PLA2G2A: variants seen among roughly 807,000 people sequenced by gnomAD.
PLA2G2A encodes the protein phospholipase A2 group IIA, also known as phospholipase A2, membrane associated.
In PLA2G2A, 6 loss-of-function variants were observed where a neutral mutation model predicts 11.2. The ratio of observed to expected loss-of-function variants is 0.54; its 90% CI spans 0.29 to 1.06. PLA2G2A has a LOEUF of 1.06. Ranked by LOEUF, PLA2G2A falls within the 50% of genes least tolerant of loss-of-function variation. The pLI is 0.08. For missense variants in PLA2G2A, 133 were observed against 177.1 expected (o/e 0.75, Z 1.41); for synonymous variants, 69 against 65.8 (o/e 1.05, Z -0.23).
At chr1:19,978,906 T>C in intron 1 of PLA2G2A, 27 bp from the exon 2 acceptor site, 1 of 812,578 alleles carries the variant, frequency 1.2e-6, no homozygotes, top group Middle Eastern at 3.0e-4. Context: ...TGCTCTCCCA[T>C]CCAACCTAAG....
rs777744543 is a variant in PLA2G2A at position 19,978,068 on chromosome 1, C to A, written c.239G>T (p.Gly80Val). 33 of 1,613,944 alleles carry A rather than the reference C, an allele frequency of 2.0e-5. 2 individuals are homozygous for A. In the South Asian group the frequency reaches 3.4e-4, roughly 17 times the overall value. The change falls in exon 4 of 5, where the codon GGC (glycine) becomes GTC (valine). Residue 80 changes from glycine to valine, a missense_variant. Transcript: ENST00000482011. ...AAACTTGTAGCTCAGAAATTTGGTG[C>A]CACATCCACGTTTCTCCAGACGTTT... is the stretch of plus-strand genomic sequence containing the variant.
chr1:19,978,231 T>C (rs902238059), intron 3 of PLA2G2A, 110 bp from the exon 4 acceptor site: 4 of 1,336,488 alleles, frequency 3.0e-6, no homozygotes, highest in Non-Finnish European at 4.3e-6. Context: ...TTTGCAACAG[T>C]CTAGAGCAGA....
At chr1:19,978,941 C>A in intron 1 of PLA2G2A, 62 bp from the exon 2 acceptor site, 1 of 678,686 alleles carries the variant, frequency 1.5e-6, no homozygotes. Context: ...CTCTGTCACA[C>A]TCAGAGCACA....
At chr1:19,979,091 A>G (rs2046267449) in intron 1 of PLA2G2A, 1 of 447,120 alleles carries the variant, frequency 2.2e-6, no homozygotes, top group African/African-American at 2.0e-5. Flanking sequence ...TACACTAATG[A>G]GACCTCCCCT....
At chr1:19,975,979 A>G in intron 4 of PLA2G2A, 136 bp from the exon 5 acceptor site, 1 of 756,060 alleles carries the variant, frequency 1.3e-6, no homozygotes, top group Non-Finnish European at 2.3e-6. Flanking sequence ...CGCTCCAGAT[A>G]TTTCTGACCA....
intron 3 of PLA2G2A, 72 bp from the exon 4 acceptor site, chr1:19,978,193 C>G (rs1490031881): frequency 3.6e-6 from 5 of 1,373,238 alleles, no homozygotes; most frequent in Non-Finnish European, 5.2e-6. Flanking sequence ...GTCTCACCCC[C>G]TTGGACCCTG....
At position 19,978,014 on chromosome 1, in the gene PLA2G2A, C is replaced by T. The variant is rs775857179; in HGVS notation, c.292+1G>A. 1 of 1,581,144 alleles carries T rather than the reference C, an allele frequency of 6.3e-7. No homozygotes were observed. Among genetic ancestry groups the T allele is most frequent in the South Asian group, 1.1e-5 (1 of 90,426 alleles). On this transcript the variant is annotated splice_donor_variant, in intron 4 of 4. Transcript: ENST00000482011. LOFTEE classifies it high-confidence loss of function. ...ACTCGATGGTGAGGTAGGACTCTTA[C>T]CACAGGTGATTCTGCTCCCCGAGTT...
At chr1:19,978,119 C>T in exon 4 of PLA2G2A, 1 of 1,609,278 alleles carries the variant, frequency 6.2e-7, no homozygotes, top group Non-Finnish European at 8.5e-7. Context: ...AGTGACACAG[C>T]AGCTGTGAGG....
chr1:19,978,285 A>G, intron 3 of PLA2G2A, 95 bp downstream of exon 3: 1 of 1,478,488 alleles, frequency 6.8e-7, no homozygotes, highest in Non-Finnish European at 9.4e-7. Context: ...CCATCCTGAG[A>G]CCTCTGCGCC....
At chr1:19,979,304 T>G (rs2046270715) in intron 1 of PLA2G2A, among the ~76,000 whole-genome samples, 1 of 152,106 alleles carries the variant, frequency 6.6e-6, no homozygotes, top group Non-Finnish European at 1.5e-5. Flanking sequence ...TCAACCTCTC[T>G]CTTCTAGGCC....
intron 4 of PLA2G2A, among the ~76,000 whole-genome samples, chr1:19,976,480 C>T (rs2046221470): frequency 6.6e-6 from 1 of 152,182 alleles, no homozygotes; most frequent in African/African-American, 2.4e-5. Context: ...CCTGGCACTG[C>T]ACTCTTCCAG....
exon 1 of PLA2G2A, chr1:19,979,608 C>T (rs918864083): frequency 3.9e-5 from 6 of 152,476 alleles, no homozygotes; most frequent in Non-Finnish European, 8.8e-5. Context: ...GTTGTATCCC[C>T]AGGCCGTCTT....
chr1:19,976,472 T>C (rs1201679777), intron 4 of PLA2G2A, among the ~76,000 whole-genome samples: 2 of 152,188 alleles, frequency 1.3e-5, no homozygotes, highest in East Asian at 3.9e-4. Flanking sequence ...GCCCCAAGCC[T>C]GGCACTGCAC....
rs1557702912 is a variant in PLA2G2A at position 19,978,104 on chromosome 1, T to A, written c.203A>T (p.Asp68Val). Residue 68 changes from aspartate (D) to valine (V), a missense_variant, in exon 4 of 5, where the codon GAC becomes GTC. Coordinates refer to ENST00000482011, the Ensembl canonical transcript of PLA2G2A. The stretch of plus-strand genomic sequence containing the variant: ...TTTCTCCAGACGTTTGTAGCAACAG[T>A]CATGAGTGACACAGCAGCTGTGAGG... 9 of 1,613,228 alleles carry A rather than the reference T, an allele frequency of 5.6e-6. No individual in the cohort carries two copies. Among genetic ancestry groups the A allele is most frequent in the Middle Eastern group, 1.6e-4 (1 of 6,084 alleles).
chr1:19,978,213 C>T (rs2046248265), intron 3 of PLA2G2A, 92 bp from the exon 4 acceptor site: 3 of 1,339,328 alleles, frequency 2.2e-6, no homozygotes, highest in Non-Finnish European at 3.2e-6. Context: ...GGGCAGAGAC[C>T]CAGTGACTTT....
exon 3 of PLA2G2A, chr1:19,978,481 C>T (rs1045400415): frequency 1.9e-5 from 31 of 1,613,906 alleles, no homozygotes; most frequent in Non-Finnish European, 2.6e-5. Context: ...TCAACTTGAT[C>T]ATTCTGTGGA....
chr1:19,979,878 C>G (rs936387163), upstream of PLA2G2A: 2 of 152,188 alleles, frequency 1.3e-5, no homozygotes, highest in Non-Finnish European at 2.9e-5. Flanking sequence ...TTCCCATAAC[C>G]AGCTCTGGGT....
upstream of PLA2G2A, chr1:19,980,323 C>T (rs2046282061): frequency 6.6e-6 from 1 of 152,332 alleles, no homozygotes; most frequent in Non-Finnish European, 1.5e-5. Flanking sequence ...CTTGAAGTTC[C>T]CACCAAAGCA....
At chr1:19,975,959 CA>C in intron 4 of PLA2G2A, 116 bp from the exon 5 acceptor site, 1 of 825,718 alleles carries the variant, frequency 1.2e-6, no homozygotes, top group Non-Finnish European at 2.0e-6. Context: ...TAGTTGGAGA[CA>C]AACACCTGCG....
Sources: gnomAD v4.1 joint callset for allele counts (sites outside exome capture counted in the v4.1 genomes callset) on GRCh38, gnomAD v4.1.1 for gene constraint, MANE v1.5 for transcripts, NCBI Gene and HGNC (gene_info 2026-07-23, HGNC 2026-07-21) for gene names.